The following ABI3BP variants were observed in gnomAD, a reference collection of about 807,000 sequenced individuals.
ABI3BP encodes target of Nesh-SH3.
Under a neutral mutation model 268.6 loss-of-function variants are expected in ABI3BP, and 216 were observed. The ratio of observed to expected loss-of-function variants is 0.80; its 90% confidence interval spans 0.72 to 0.90. The LOEUF is 0.90. ABI3BP is among the 40% of genes least tolerant of loss of function. The probability of loss-of-function intolerance (pLI) is 0.00; values close to 1 mark genes in which losing one functional copy is unlikely to be tolerated. For synonymous variants in ABI3BP, 730 were observed against 730.0 expected (o/e 1.00, Z 0.00); for missense variants, 2,090 against 2,182.4 (o/e 0.96, Z 0.84).
intron 30 of ABI3BP, 24 bp downstream of exon 30, chr3:100,833,101 C>T (rs2098519862): frequency 8.5e-6 from 13 of 1,530,174 alleles, no homozygotes; most frequent in African/African-American, 1.4e-5. Context: ...AAAGGACTTG[C>T]TGAAGGACAT....
intron 1 of ABI3BP, among the ~76,000 whole-genome samples, chr3:100,967,541 T>C (rs970598981): frequency 6.6e-6 from 1 of 151,498 alleles, no homozygotes; most frequent in Admixed American, 6.6e-5. Context: ...TAGAGATTGA[T>C]GATGCTTCAG....
chr3:100,775,036 A>G (rs1184184418), intron 60 of ABI3BP, among the ~76,000 whole-genome samples, 171 bp downstream of exon 60: 1 of 152,230 alleles, frequency 6.6e-6, no homozygotes, highest in South Asian at 2.1e-4. Flanking sequence ...ATAATACTCT[A>G]TAAGGGAGTG....
intron 57 of ABI3BP, 65 bp downstream of exon 57, chr3:100,787,663 C>A: frequency 7.7e-7 from 1 of 1,293,088 alleles, no homozygotes; most frequent in South Asian, 1.5e-5. Flanking sequence ...TCAGCAATAT[C>A]ATGAAAATTA....
intron 1 of ABI3BP, among the ~76,000 whole-genome samples, chr3:100,992,652 G>C (rs1459376694): frequency 3.3e-5 from 5 of 152,092 alleles, no homozygotes; most frequent in Admixed American, 2.6e-4. Flanking sequence ...TTGTTTTTAG[G>C]GTCAAAATTT....
At chr3:100,816,827 G>C in intron 42 of ABI3BP, 59 bp from the exon 43 acceptor site, 1 of 1,217,440 alleles carries the variant, frequency 8.2e-7, no homozygotes, top group Non-Finnish European at 1.2e-6. Context: ...AAAACTTTAG[G>C]TTTTTAAAGG....
intron 1 of ABI3BP, among the ~76,000 whole-genome samples, chr3:100,927,735 C>T (rs1256584742): frequency 6.6e-6 from 1 of 152,120 alleles, no homozygotes; most frequent in East Asian, 1.9e-4. Flanking sequence ...GATCCAATCA[C>T]CTCCCACCAG....
At chr3:100,797,121 G>A (rs970525779) in intron 51 of ABI3BP, among the ~76,000 whole-genome samples, 1 of 152,002 alleles carries the variant, frequency 6.6e-6, no homozygotes, top group Non-Finnish European at 1.5e-5. Flanking sequence ...TATATTAGGT[G>A]TCAAGCATGC....
At chr3:100,883,780 G>A (rs2040565132) in intron 6 of ABI3BP, among the ~76,000 whole-genome samples, 1 of 152,012 alleles carries the variant, frequency 6.6e-6, no homozygotes, top group Non-Finnish European at 1.5e-5. Flanking sequence ...CCTCTTCTAA[G>A]TATCTATTTT....
intron 1 of ABI3BP, among the ~76,000 whole-genome samples, chr3:100,990,498 A>AT (rs2092738701): frequency 6.6e-6 from 1 of 151,180 alleles, no homozygotes; most frequent in Non-Finnish European, 1.5e-5. Flanking sequence ...ATAACAAAGT[A>AT]TGTGACTAGG....
intron 1 of ABI3BP, among the ~76,000 whole-genome samples, chr3:100,968,408 G>C (rs1317219193): frequency 6.6e-6 from 1 of 152,102 alleles, no homozygotes; most frequent in African/African-American, 2.4e-5. Flanking sequence ...AGCTATACAA[G>C]AAATACATAG....
intron 1 of ABI3BP, among the ~76,000 whole-genome samples, chr3:100,929,034 A>C (rs2062786675): frequency 6.6e-6 from 1 of 152,108 alleles, no homozygotes; most frequent in African/African-American, 2.4e-5. Context: ...CACCCTGCTC[A>C]ATAGAATGGA....
intron 1 of ABI3BP, among the ~76,000 whole-genome samples, chr3:100,946,894 A>C (rs1179458427): frequency 6.6e-6 from 1 of 152,200 alleles, no homozygotes; most frequent in East Asian, 1.9e-4. Flanking sequence ...AGTTTAGGCT[A>C]TACTAATTAT....
intron 54 of ABI3BP, 79 bp from the exon 55 acceptor site, chr3:100,792,847 T>C: frequency 8.4e-7 from 1 of 1,187,726 alleles, no homozygotes. Flanking sequence ...TACTCTTTTC[T>C]GTCCCATGCA....
At chr3:100,778,444 A>T in intron 58 of ABI3BP, 68 bp from the exon 59 acceptor site, 1 of 1,414,156 alleles carries the variant, frequency 7.1e-7, no homozygotes, top group Non-Finnish European at 9.7e-7. Context: ...CGAAAAAAAC[A>T]GGGTTTTTAA....
rs148071297 is a variant in ABI3BP, at chr3:100,819,871, C to T, written c.3031+349G>A. ...GGCTGAGGCAGGAGAATTGCTTGAA[C>T]CGGGAGGTGGAGGTTGCAGTGAGCT... is the stretch of plus-strand genomic sequence containing the variant. On this transcript the variant is annotated intron_variant, in intron 40 of 67. Coordinates refer to ENST00000471714, the MANE Select transcript of ABI3BP (RefSeq NM_001375547.2). Among the ~76,000 whole-genome samples, 1,464 of 149,078 alleles carry T rather than the reference C, an allele frequency of 9.8e-3. 7 individuals are homozygous for T. Among genetic ancestry groups the T allele is most frequent in the Non-Finnish European group, 0.017 (1,147 of 67,694 alleles).
At chr3:100,778,227 T>C (rs2096762988) in intron 59 of ABI3BP, 57 bp downstream of exon 59, 5 of 1,526,026 alleles carry the variant, frequency 3.3e-6, no homozygotes, top group Non-Finnish European at 4.5e-6. Flanking sequence ...GAAGAGCTTA[T>C]GTTGGCTAGT....
intron 14 of ABI3BP, among the ~76,000 whole-genome samples, chr3:100,852,770 T>C (rs77856199): frequency 1.3e-5 from 2 of 152,324 alleles, no homozygotes; most frequent in African/African-American, 2.4e-5. Context: ...TTCTATTCTG[T>C]ACAAAGGAAA....
intron 4 of ABI3BP, among the ~76,000 whole-genome samples, chr3:100,886,933 C>T (rs1040654215): frequency 2.6e-5 from 4 of 151,896 alleles, no homozygotes; most frequent in Non-Finnish European, 4.4e-5. Context: ...CTTAGGCCTT[C>T]ATAATATTCA....
Position 100,890,210 on chromosome 3 carries a change from T to A in ABI3BP, c.462-3887A>T, listed in dbSNP as rs183134483. Reference sequence around the variant, plus strand: ...CAGGAATGCTTTTATTTCTATGTGATTAACTACTTTTACATTTCCTAAAAC... The same window carrying A: ...CAGGAATGCTTTTATTTCTATGTGAATAACTACTTTTACATTTCCTAAAAC... On this transcript the variant is annotated intron_variant, in intron 4 of 67. Coordinates refer to ENST00000471714, the MANE Select transcript of ABI3BP (RefSeq NM_001375547.2). 1.2e-3 allele frequency among the ~76,000 whole-genome samples: 189 copies of A among 152,280 alleles called. 1 individual carries two copies. The highest frequency in any genetic ancestry group is 3.2e-4 in the Non-Finnish European group (22 of 68,002).
Sources: allele counts gnomAD v4.1 joint callset (sites outside exome capture counted in the v4.1 genomes callset), GRCh38; gene constraint gnomAD v4.1.1; transcripts MANE v1.5; gene names NCBI Gene and HGNC (gene_info 2026-07-23, HGNC 2026-07-21).